The following SHISA6 variants were observed in gnomAD, a reference collection of about 807,000 sequenced individuals.
The protein encoded by SHISA6 is protein shisa-6.
A neutral mutation model predicts 47.9 loss-of-function variants in SHISA6; 22 were observed. The ratio of observed to expected loss-of-function variants is 0.46; its 90% CI spans 0.33 to 0.66. The LOEUF is 0.66. Ranked by LOEUF, SHISA6 falls within the 30% of genes least tolerant of loss-of-function variation. The pLI is 0.02. For synonymous variants in SHISA6, 388 were observed against 337.8 expected, an observed-to-expected ratio of 1.15 and a Z score of -1.63; for missense variants, 680 against 764.6, an observed-to-expected ratio of 0.89 and a Z score of 1.30.
At chr17:11,437,359 C>T (rs893560744) in intron 3 of SHISA6, among the ~76,000 whole-genome samples, 3 of 152,198 alleles carry the variant, frequency 2.0e-5, no homozygotes, top group Non-Finnish European at 4.4e-5. Flanking sequence ...AAACACAGAA[C>T]ATTCTCGAAG....
intron 3 of SHISA6, among the ~76,000 whole-genome samples, chr17:11,439,267 C>T (rs981254942): frequency 4.6e-5 from 7 of 152,044 alleles, no homozygotes; most frequent in Admixed American, 2.0e-4. Context: ...TCAAGGGGGT[C>T]GGAGGACTCT....
chr17:11,371,933 T>G (rs2142238477), intron 2 of SHISA6, among the ~76,000 whole-genome samples: 1 of 152,274 alleles, frequency 6.6e-6, no homozygotes, highest in Non-Finnish European at 1.5e-5. Context: ...TTCATGATTA[T>G]TTCCAGAAAA....
intron 3 of SHISA6, among the ~76,000 whole-genome samples, chr17:11,422,031 G>A (rs1325691293): frequency 1.3e-5 from 2 of 152,132 alleles, no homozygotes; most frequent in Non-Finnish European, 2.9e-5. Flanking sequence ...TCTCCCTTTG[G>A]CCAAATTTAT....
intron 2 of SHISA6, among the ~76,000 whole-genome samples, chr17:11,313,350 T>C (rs191827119): frequency 1.7e-3 from 254 of 152,364 alleles, no homozygotes; most frequent in Non-Finnish European, 2.6e-3. Flanking sequence ...CTTATTCATA[T>C]TATTTTCCTA....
chr17:11,310,685 C>T (rs914342522), intron 2 of SHISA6, among the ~76,000 whole-genome samples: 2 of 152,168 alleles, frequency 1.3e-5, no homozygotes, highest in Non-Finnish European at 2.9e-5. Flanking sequence ...TTAAAAAGAT[C>T]ACCTCTGGGC....
intron 3 of SHISA6, among the ~76,000 whole-genome samples, chr17:11,543,153 C>T (rs970283504): frequency 6.6e-6 from 1 of 152,110 alleles, no homozygotes; most frequent in Non-Finnish European, 1.5e-5. Flanking sequence ...GCAAGAGGCT[C>T]CGTAGACATA....
chr17:11,493,949 C>A (rs2071387721), intron 3 of SHISA6, among the ~76,000 whole-genome samples: 2 of 151,546 alleles, frequency 1.3e-5, no homozygotes, highest in African/African-American at 2.4e-5. Flanking sequence ...TTATACTAAT[C>A]TCTCATTTGA....
At chr17:11,431,128 G>C (rs577388518) in intron 3 of SHISA6, among the ~76,000 whole-genome samples, 2 of 152,172 alleles carry the variant, frequency 1.3e-5, no homozygotes, top group East Asian at 3.9e-4. Flanking sequence ...TCGGAAAGAC[G>C]GGATTCTCTT....
chr17:11,400,672 G>A (rs1038889445), intron 3 of SHISA6, among the ~76,000 whole-genome samples: 1 of 152,118 alleles, frequency 6.6e-6, no homozygotes, highest in African/African-American at 2.4e-5. Context: ...GAATCTTGTA[G>A]TGGTTTCCAT....
intron 1 of SHISA6, among the ~76,000 whole-genome samples, chr17:11,249,283 C>T (rs1907710732): frequency 6.6e-6 from 1 of 150,734 alleles, no homozygotes; most frequent in African/African-American, 2.4e-5. Context: ...ATCCAGTGGC[C>T]GTGTGTGTGT....
intron 2 of SHISA6, among the ~76,000 whole-genome samples, chr17:11,297,779 A>G (rs1348650395): frequency 1.3e-5 from 2 of 152,194 alleles, no homozygotes; most frequent in Non-Finnish European, 2.9e-5. Flanking sequence ...GGTTTCTGTC[A>G]TGGTCAAATA....
At chr17:11,532,720 T>G (rs1288676712) in intron 3 of SHISA6, among the ~76,000 whole-genome samples, 3 of 148,852 alleles carry the variant, frequency 2.0e-5, no homozygotes, top group African/African-American at 7.4e-5. Flanking sequence ...AGCCCATGCC[T>G]TTCCCCATTC....
chr17:11,243,167 C>T (rs1567697258), intron 1 of SHISA6, among the ~76,000 whole-genome samples: 1 of 151,726 alleles, frequency 6.6e-6, no homozygotes, highest in African/African-American at 2.4e-5. Flanking sequence ...TCACCTTGAG[C>T]TCTTCTCTGC....
intron 2 of SHISA6, among the ~76,000 whole-genome samples, chr17:11,348,486 A>G (rs1911770783): frequency 6.6e-6 from 1 of 152,162 alleles, no homozygotes; most frequent in Admixed American, 6.5e-5. Context: ...TAATTATTTA[A>G]TGCAATAATT....
intron 2 of SHISA6, among the ~76,000 whole-genome samples, chr17:11,336,820 T>C (rs1033475131): frequency 1.3e-5 from 2 of 152,208 alleles, no homozygotes; most frequent in African/African-American, 4.8e-5. Flanking sequence ...TACAGTGCTC[T>C]GTCACCTCTG....
intron 3 of SHISA6, among the ~76,000 whole-genome samples, chr17:11,550,347 G>T (rs748054247): frequency 1.3e-5 from 2 of 152,210 alleles, no homozygotes; most frequent in East Asian, 3.9e-4. Context: ...GAGCCACTGC[G>T]CCCGGCCCTG....
At chr17:11,374,389 G>C (rs767560810) in intron 2 of SHISA6, among the ~76,000 whole-genome samples, 2 of 151,782 alleles carry the variant, frequency 1.3e-5, no homozygotes, top group African/African-American at 4.8e-5. Context: ...TTTGACTTGA[G>C]TCTTGTTTAA....
chr17:11,310,211 A>G (rs936744079), intron 2 of SHISA6, among the ~76,000 whole-genome samples: 1 of 152,236 alleles, frequency 6.6e-6, no homozygotes, highest in Admixed American at 6.5e-5. Context: ...ATTCAAATTC[A>G]TAATGACTCT....
At chr17:11,449,405 T>C (rs1480035097) in intron 3 of SHISA6, among the ~76,000 whole-genome samples, 4 of 151,536 alleles carry the variant, frequency 2.6e-5, no homozygotes, top group Admixed American at 6.6e-5. Context: ...ATCGTGCTAC[T>C]GCACTCCAGC....
Sources: allele counts gnomAD v4.1 joint callset (sites outside exome capture counted in the v4.1 genomes callset), GRCh38; gene constraint gnomAD v4.1.1; transcripts MANE v1.5; gene names NCBI Gene and HGNC (gene_info 2026-07-23, HGNC 2026-07-21).